SACM1L: variants seen among roughly 807,000 people sequenced by gnomAD.
SACM1L encodes SAC1 like phosphatidylinositide phosphatase, also known as phosphatidylinositol-3-phosphatase SAC1.
SACM1L carries 32 observed loss-of-function variants against 89.5 expected under a neutral mutation model. That is an observed-to-expected ratio of 0.36 (90% CI 0.27 to 0.48). The LOEUF (loss-of-function observed/expected upper bound fraction) is 0.48. Among genes scored for constraint, SACM1L ranks in the 20% least tolerant of loss-of-function variants. SACM1L has a pLI of 0.99. For missense variants in SACM1L, 543 were observed against 708.5 expected, an observed-to-expected ratio of 0.77 and a Z score of 2.65; for synonymous variants, 213 against 232.8, an observed-to-expected ratio of 0.92 and a Z score of 0.77.
In SACM1L at chr3:45,707,035, A is replaced by G; in HGVS notation, c.333+128A>G. On this transcript the variant is annotated intron_variant, in intron 4 of 19. Transcript: ENST00000389061. ...TTTTAACAACCTATAGAGTAAGATC[A>G]CTCTACCTACTTTTCTACCTAGGCA... The G allele has an allele frequency of 1.1e-5, 8 of 728,068 alleles. No individual in the cohort carries two copies. In the South Asian group the frequency reaches 1.9e-4, roughly 17 times the overall value. 45.1% of individuals were successfully genotyped at this position (728,068 alleles called of 1,614,324 possible). A position where few individuals can be genotyped will look rare whatever the true frequency, so the allele number is the denominator to read the frequency against.
intron 1 of SACM1L, among the ~76,000 whole-genome samples, chr3:45,694,243 G>C (rs1028692567): frequency 1.3e-5 from 2 of 151,984 alleles, no homozygotes; most frequent in African/African-American, 4.8e-5. Context: ...TTTAGTTACT[G>C]CATCAGGCTG....
intron 1 of SACM1L, among the ~76,000 whole-genome samples, chr3:45,692,356 A>C (rs1698016235): frequency 6.7e-6 from 1 of 150,208 alleles, no homozygotes; most frequent in Non-Finnish European, 1.5e-5. Context: ...ACAGGGTCTC[A>C]CTTGTCACCC....
intron 5 of SACM1L, among the ~76,000 whole-genome samples, chr3:45,711,707 T>C (rs1698535956): frequency 6.6e-6 from 1 of 152,224 alleles, no homozygotes; most frequent in Non-Finnish European, 1.5e-5. Flanking sequence ...CCTAAAAGTT[T>C]TACATTGGTC....
At chr3:45,707,003 A>G (rs1698413460) in intron 4 of SACM1L, 96 bp downstream of exon 4, 2 of 1,190,952 alleles carry the variant, frequency 1.7e-6, no homozygotes, top group Admixed American at 2.4e-5. Flanking sequence ...AAAGAATGCT[A>G]TAATTATTTT....
At chr3:45,740,118 G>T (rs1410240205) in intron 19 of SACM1L, among the ~76,000 whole-genome samples, 1 of 152,198 alleles carries the variant, frequency 6.6e-6, no homozygotes, top group East Asian at 1.9e-4. Context: ...ATTCTTGTGA[G>T]GCTTTGATTA....
chr3:45,709,779 A>G (rs1698479107), intron 5 of SACM1L, 132 bp downstream of exon 5: 2 of 766,784 alleles, frequency 2.6e-6, no homozygotes, highest in African/African-American at 1.8e-5. Flanking sequence ...CTTTGAAAAT[A>G]TACCCTGTTT....
chr3:45,719,477 A>G (rs1698739466), intron 7 of SACM1L, 23 bp from the exon 8 acceptor site: 1 of 1,300,910 alleles, frequency 7.7e-7, no homozygotes, highest in Non-Finnish European at 1.1e-6. Flanking sequence ...ATTATATGTT[A>G]TATTTTTCTT....
At chr3:45,728,094 AGT>A (rs1698965866) in intron 11 of SACM1L, among the ~76,000 whole-genome samples, 1 of 152,160 alleles carries the variant, frequency 6.6e-6, no homozygotes, top group African/African-American at 2.4e-5. Context: ...GTCTGATACT[AGT>A]GTAGTTATTC....
chr3:45,721,905 A>C, intron 8 of SACM1L, 95 bp from the exon 9 acceptor site: 1 of 790,154 alleles, frequency 1.3e-6, no homozygotes, highest in Non-Finnish European at 2.1e-6. Flanking sequence ...ACTTGAACTG[A>C]CTTAATTCTC....
At chr3:45,739,665 T>C (rs758833616) in intron 19 of SACM1L, 21 bp downstream of exon 19, 2 of 1,610,530 alleles carry the variant, frequency 1.2e-6, no homozygotes, top group Non-Finnish European at 1.7e-6. Context: ...TCCACACATT[T>C]GTTTCTTAGT....
intron 1 of SACM1L, among the ~76,000 whole-genome samples, chr3:45,695,757 T>C (rs1698107159): frequency 6.6e-6 from 1 of 152,174 alleles, no homozygotes; most frequent in Admixed American, 6.5e-5. Context: ...ACAACCGTTA[T>C]CACCATCCAT....
chr3:45,707,447 C>T (rs1038955683), intron 4 of SACM1L: 1 of 152,100 alleles, frequency 6.6e-6, no homozygotes, highest in Admixed American at 6.6e-5. Flanking sequence ...TTCAGTTACT[C>T]CAGTTTATTA....
chr3:45,735,131 A>G, intron 13 of SACM1L, 104 bp from the exon 14 acceptor site: 1 of 1,100,204 alleles, frequency 9.1e-7, no homozygotes, highest in Non-Finnish European at 1.3e-6. Flanking sequence ...TTTAATTTAC[A>G]GTTTTTAATA....
chr3:45,721,643 C>T (rs9311378), intron 8 of SACM1L, among the ~76,000 whole-genome samples: 63,138 of 151,938 alleles, frequency 0.42, 14,927 homozygotes, highest in Middle Eastern at 0.56. Flanking sequence ...AAATTAGGAT[C>T]TATGGACATT....
intron 1 of SACM1L, among the ~76,000 whole-genome samples, chr3:45,695,986 G>A (rs151047613): frequency 2.4e-3 from 355 of 148,104 alleles, no homozygotes; most frequent in African/African-American, 8.4e-3. Context: ...TGTAGCATGT[G>A]TCAGAATTTC....
chr3:45,709,740 TC>T (rs1698478460), intron 5 of SACM1L, 93 bp downstream of exon 5: 1 of 1,134,096 alleles, frequency 8.8e-7, no homozygotes, highest in Non-Finnish European at 1.2e-6. Flanking sequence ...TTTTTCTCAG[TC>T]CTGGCTATCT....
At chr3:45,735,415 C>A in intron 14 of SACM1L, 42 bp downstream of exon 14, 1 of 1,484,130 alleles carries the variant, frequency 6.7e-7, no homozygotes, top group Non-Finnish European at 9.0e-7. Flanking sequence ...AACAACACAG[C>A]AAAAAATTAA....
Position 45,738,781 on chromosome 3 carries a change from G to T in SACM1L, c.1477G>T (p.Asp493Tyr). Residue 493 changes from aspartate to tyrosine, a missense_variant and splice_region_variant, in exon 18 of 20, where the codon GAT (aspartate) becomes TAT (tyrosine). By Grantham distance (160) the Asp-to-Tyr change is radical (BLOSUM62 -3). Coordinates refer to ENST00000389061, the MANE Select transcript of SACM1L (RefSeq NM_014016.5). Reference sequence around the variant, plus strand: ...ACGAATTTCTTCCTTTCTGTTCTAGGATTCCATAGACTTATTTCTTGGAAA... The same window carrying T: ...ACGAATTTCTTCCTTTCTGTTCTAGTATTCCATAGACTTATTTCTTGGAAA... ...KNNFSDGFRQ[D>Y]SIDLFLGNYS... The T allele has an allele frequency of 6.2e-7, 1 of 1,600,592 alleles. No individual in the cohort carries two copies. The highest frequency in any genetic ancestry group is 8.6e-7 in the Non-Finnish European group (1 of 1,168,096).
At chr3:45,712,772 G>A (rs1344197794) in intron 5 of SACM1L, among the ~76,000 whole-genome samples, 2 of 151,884 alleles carry the variant, frequency 1.3e-5, no homozygotes. Flanking sequence ...AATGAGTGGC[G>A]AGGGCTAATG....
Sources: allele counts gnomAD v4.1 joint callset (sites outside exome capture counted in the v4.1 genomes callset), GRCh38; gene constraint gnomAD v4.1.1; transcripts MANE v1.5; gene names NCBI Gene and HGNC (gene_info 2026-07-23, HGNC 2026-07-21).